The following FAAH2 variants were observed in gnomAD, a reference collection of about 807,000 sequenced individuals.
FAAH2 encodes the protein fatty-acid amide hydrolase 2.
In FAAH2, 60 loss-of-function variants were observed where a neutral mutation model predicts 36.9. The observed-to-expected ratio is 1.63, with a 90% CI of 1.32 to 2.02. The LOEUF is 2.02. FAAH2 is among the 30% of genes most tolerant of loss of function. FAAH2 has a pLI of 0.00. For missense variants in FAAH2, 689 were observed against 397.5 expected, an observed-to-expected ratio of 1.73 and a Z score of -6.23; for synonymous variants, 214 against 143.8, an observed-to-expected ratio of 1.49 and a Z score of -3.49.
intron 10 of FAAH2, among the ~76,000 whole-genome samples, chrX:57,459,779 C>T (rs2056925790): frequency 8.9e-6 from 1 of 112,027 alleles, no homozygotes; most frequent in Admixed American, 9.5e-5. Context: ...GACAAACTAA[C>T]AAAAAGAAAG....
the FAAH2 span, among the ~76,000 whole-genome samples, chrX:57,159,651 G>T: frequency 9.0e-6 from 1 of 111,605 alleles, no homozygotes; most frequent in African/African-American, 3.3e-5. Flanking sequence ...TCTGTTGTTG[G>T]TGTATAAAAA....
chrX:57,452,204 G>T (rs1264275946), intron 10 of FAAH2: 12 of 752,846 alleles, frequency 1.6e-5, no homozygotes, highest in Admixed American at 8.8e-5. Flanking sequence ...GCATTTTAAA[G>T]ATCTCATCTG....
chrX:57,286,979 T>C lies in FAAH2; in HGVS notation c.154T>C (p.Ser52Pro). ...GGTGACTGAACCATTGCTTCTGCTT[T>C]CGGGGATGCAGCTGGCCAAGCTGAT... The part of the protein sequence containing the change: ...RPVTEPLLLL[S>P]GMQLAKLIRQ... Residue 52 changes from serine to proline, a missense_variant, in exon 1 of 11, where the codon TCG becomes CCG. Coordinates refer to ENST00000374900, the MANE Select transcript of FAAH2 (RefSeq NM_174912.4). 1 of 1,201,015 alleles carries C rather than the reference T, an allele frequency of 8.3e-7. No homozygotes were observed. The highest frequency in any genetic ancestry group is 1.8e-5 in the South Asian group (1 of 54,962).
chrX:57,137,022 T>C, the FAAH2 span: 40 of 834,573 alleles, frequency 4.8e-5, no homozygotes, highest in African/African-American at 1.1e-4. Flanking sequence ...CCCTGTTACC[T>C]ACCTCCCTTG....
chrX:57,191,529 T>C, the FAAH2 span, among the ~76,000 whole-genome samples: 2 of 111,782 alleles, frequency 1.8e-5, no homozygotes, highest in African/African-American at 6.5e-5. Context: ...TCTGGTTGGC[T>C]ATGCTTGTAG....
At chrX:57,241,591 G>A in the FAAH2 span, among the ~76,000 whole-genome samples, 7 of 111,320 alleles carry the variant, frequency 6.3e-5, no homozygotes, top group Non-Finnish European at 1.3e-4. Context: ...GTGGTTTCTG[G>A]TTACATGTAT....
chrX:57,237,894 A>T, the FAAH2 span, among the ~76,000 whole-genome samples: 3 of 112,099 alleles, frequency 2.7e-5, no homozygotes, highest in Non-Finnish European at 5.6e-5. Context: ...TGAGCATATT[A>T]AAAAAGCTTA....
chrX:57,215,883 G>C, the FAAH2 span, among the ~76,000 whole-genome samples: 2 of 93,236 alleles, frequency 2.1e-5, no homozygotes, highest in Non-Finnish European at 4.1e-5. Flanking sequence ...AGGTTGTTGG[G>C]TACAGCAAAC....
chrX:57,188,000 C>T, the FAAH2 span, among the ~76,000 whole-genome samples: 2 of 111,831 alleles, frequency 1.8e-5, no homozygotes, highest in African/African-American at 3.2e-5. Flanking sequence ...CAGTGCCCAA[C>T]AGGGATAATA....
the FAAH2 span, among the ~76,000 whole-genome samples, chrX:57,140,456 G>C: frequency 9.6e-6 from 1 of 104,622 alleles, no homozygotes; most frequent in African/African-American, 3.6e-5. Flanking sequence ...TTAACCTGGC[G>C]TGGTGGCAGG....
At chrX:57,315,148 A>G (rs1419308412) in intron 3 of FAAH2, among the ~76,000 whole-genome samples, 2 of 111,430 alleles carry the variant, frequency 1.8e-5, no homozygotes, top group African/African-American at 3.3e-5. Context: ...CACAAATTAA[A>G]AAATATATAG....
chrX:57,441,810 C>G (rs1054751825), intron 8 of FAAH2, among the ~76,000 whole-genome samples: 38 of 111,398 alleles, frequency 3.4e-4, no homozygotes, highest in Non-Finnish European at 6.6e-4. Context: ...TGTGTTGTGT[C>G]TTTGTTCTCA....
At chrX:57,444,016 C>G (rs777723780) in intron 8 of FAAH2, among the ~76,000 whole-genome samples, 14 of 111,978 alleles carry the variant, frequency 1.3e-4, no homozygotes, top group Non-Finnish European at 2.1e-4. Flanking sequence ...TGTCAGTCAG[C>G]CCCTACTGGG....
At chrX:57,352,078 ATG>A (rs57050543) in intron 5 of FAAH2, among the ~76,000 whole-genome samples, 2 of 40,279 alleles carry the variant, frequency 5.0e-5, no homozygotes, top group African/African-American at 2.6e-4. Flanking sequence ...ACATATATAT[ATG>A]TGTATATATA....
rs1170675025 is a variant in FAAH2, at chrX:57,305,361, AT to A, written c.276-5230del. Among the ~76,000 whole-genome samples the A allele has an allele frequency of 3.6e-5, 4 of 110,156 alleles. No individual in the cohort carries two copies. In the East Asian group the frequency reaches 1.1e-3, roughly 32 times the overall value. On this transcript the variant is annotated intron_variant, in intron 2 of 10. Coordinates refer to ENST00000374900, the MANE Select transcript of FAAH2 (RefSeq NM_174912.4). ...TAAGCCAGAAAAACTGGAAAAAAAA[AT>A]TCCTTCATCCCCCACATTCTAACCT...
At chrX:57,389,499 T>A (rs2055112574) in intron 7 of FAAH2, among the ~76,000 whole-genome samples, 1 of 109,247 alleles carries the variant, frequency 9.2e-6, no homozygotes, top group African/African-American at 3.3e-5. Flanking sequence ...TCTGGTTTAT[T>A]TCACTTAACA....
chrX:57,437,935 A>G (rs1169184440), intron 8 of FAAH2, among the ~76,000 whole-genome samples: 2 of 103,649 alleles, frequency 1.9e-5, no homozygotes, highest in Non-Finnish European at 3.9e-5. Flanking sequence ...ACACATATAT[A>G]CATAGGTACA....
At chrX:57,418,451 C>G in intron 7 of FAAH2, among the ~76,000 whole-genome samples, 1 of 111,187 alleles carries the variant, frequency 9.0e-6, no homozygotes, top group East Asian at 2.9e-4. Flanking sequence ...CCTCATGGCA[C>G]AGTCCCTTAT....
intron 7 of FAAH2, chrX:57,392,809 C>T (rs1243603271): frequency 4.6e-6 from 3 of 649,225 alleles, no homozygotes; most frequent in Non-Finnish European, 7.8e-6. Context: ...CCTGTAGGGA[C>T]ACCTTTTCGC....
Sources: allele counts gnomAD v4.1 joint callset (sites outside exome capture counted in the v4.1 genomes callset), GRCh38; gene constraint gnomAD v4.1.1; transcripts MANE v1.5; gene names NCBI Gene and HGNC (gene_info 2026-07-23, HGNC 2026-07-21).